FRMPD4: variants seen among roughly 807,000 people sequenced by gnomAD.
FRMPD4 encodes FERM and PDZ domain containing 4.
Under a neutral mutation model 94.1 loss-of-function variants are expected in FRMPD4, and 22 were observed. That is an observed-to-expected ratio of 0.23 (90% CI 0.17 to 0.33). The LOEUF (loss-of-function observed/expected upper bound fraction) is 0.33. Among genes scored for constraint, FRMPD4 ranks in the 10% least tolerant of loss-of-function variants. The pLI, the probability that FRMPD4 is intolerant of heterozygous loss-of-function variation, is 1.00. For synonymous variants in FRMPD4, 631 were observed against 548.6 expected, an observed-to-expected ratio of 1.15 and a Z score of -2.10; for missense variants, 1,111 against 1,339.9, an observed-to-expected ratio of 0.83 and a Z score of 2.67.
chrX:12,691,274 T>C (rs2060077878), intron 8 of FRMPD4, among the ~76,000 whole-genome samples: 1 of 108,875 alleles, frequency 9.2e-6, no homozygotes, highest in Non-Finnish European at 1.9e-5. Context: ...GTTGTTGTTG[T>C]TTTGTTTTGT....
chrX:12,615,128 TTTTTA>T (rs1470075799), intron 4 of FRMPD4, among the ~76,000 whole-genome samples: 1 of 112,559 alleles, frequency 8.9e-6, no homozygotes, highest in African/African-American at 3.2e-5. Flanking sequence ...CAGTTTAAAA[TTTTTA>T]TGACTCCTAT....
At chrX:12,706,563 C>G (rs2041877956) in intron 11 of FRMPD4, among the ~76,000 whole-genome samples, 1 of 111,433 alleles carries the variant, frequency 9.0e-6, no homozygotes, top group Admixed American at 9.5e-5. Context: ...GCTGAGTGCC[C>G]TGGCCCAGCA....
At chrX:12,052,489 T>A (rs1319051947) in intron 3 of FRMPD4, among the ~76,000 whole-genome samples, 1 of 112,021 alleles carries the variant, frequency 8.9e-6, no homozygotes, top group Non-Finnish European at 1.9e-5. Flanking sequence ...ATGCTTGGTG[T>A]TTGTATGAGT....
chrX:11,955,505 T>C (rs186614891), intron 3 of FRMPD4, among the ~76,000 whole-genome samples: 365 of 110,122 alleles, frequency 3.3e-3, no homozygotes, highest in Middle Eastern at 9.3e-3. Flanking sequence ...TATGTATGTA[T>C]GTTTGGGAGG....
chrX:12,219,568 T>C (rs1184967508), intron 1 of FRMPD4, among the ~76,000 whole-genome samples: 2 of 112,036 alleles, frequency 1.8e-5, no homozygotes, highest in African/African-American at 6.5e-5. Context: ...TGGGAAACTA[T>C]TAATAATGTT....
At chrX:12,332,060 A>T (rs1336150920) in intron 1 of FRMPD4, among the ~76,000 whole-genome samples, 1 of 73,881 alleles carries the variant, frequency 1.4e-5, no homozygotes, top group Non-Finnish European at 2.3e-5. Context: ...AATTATATGT[A>T]ATATATAATT....
upstream of FRMPD4, among the ~76,000 whole-genome samples, chrX:12,136,051 G>A (rs956053866): frequency 2.1e-4 from 23 of 111,472 alleles, no homozygotes; most frequent in Non-Finnish European, 4.1e-4. Context: ...CAGTCCAAAG[G>A]AGGTTGAAGG....
intron 1 of FRMPD4, among the ~76,000 whole-genome samples, chrX:12,218,656 T>G: frequency 8.9e-6 from 1 of 112,040 alleles, no homozygotes; most frequent in Non-Finnish European, 1.9e-5. Context: ...TGACTTTAAT[T>G]AAAGCCTTTC....
intron 1 of FRMPD4, among the ~76,000 whole-genome samples, chrX:12,261,224 C>T (rs2054184112): frequency 9.0e-6 from 1 of 111,357 alleles, no homozygotes; most frequent in Admixed American, 9.5e-5. Context: ...CCTTTAAATC[C>T]CAAAAGGAAA....
intron 2 of FRMPD4, among the ~76,000 whole-genome samples, chrX:12,538,981 A>G (rs1033490532): frequency 2.7e-5 from 3 of 112,256 alleles, no homozygotes; most frequent in African/African-American, 9.7e-5. Flanking sequence ...AGATGATCAA[A>G]CTTCTGCGAG....
intron 1 of FRMPD4, among the ~76,000 whole-genome samples, chrX:12,487,354 AAAAT>A (rs1270071553): frequency 8.9e-6 from 1 of 112,556 alleles, no homozygotes; most frequent in African/African-American, 3.2e-5. Flanking sequence ...GAACAAAACA[AAAAT>A]AAATAAGTGC....
At chrX:12,281,947 T>C (rs1369800389) in intron 1 of FRMPD4, among the ~76,000 whole-genome samples, 2 of 111,668 alleles carry the variant, frequency 1.8e-5, no homozygotes, top group East Asian at 5.6e-4. Context: ...AAGCCCATGA[T>C]CTCTATAACC....
chrX:11,971,348 A>G (rs2054339234), intron 3 of FRMPD4, among the ~76,000 whole-genome samples: 1 of 112,857 alleles, frequency 8.9e-6, no homozygotes, highest in Non-Finnish European at 1.9e-5. Flanking sequence ...TTCATAGAAC[A>G]TTACCCAGAA....
At chrX:11,834,709 A>T (rs1344288061) in intron 1 of FRMPD4, among the ~76,000 whole-genome samples, 2 of 111,756 alleles carry the variant, frequency 1.8e-5, no homozygotes, top group African/African-American at 6.5e-5. Context: ...AACCTTCTTA[A>T]TAATAAGAAA....
At chrX:12,461,009 CTT>C (rs1387941178) in intron 1 of FRMPD4, among the ~76,000 whole-genome samples, 3 of 111,879 alleles carry the variant, frequency 2.7e-5, no homozygotes, top group Non-Finnish European at 5.6e-5. Context: ...AATACTCTCT[CTT>C]ATACAAAATA....
chrX:12,027,962 T>G (rs2054669822), intron 3 of FRMPD4, among the ~76,000 whole-genome samples: 1 of 112,401 alleles, frequency 8.9e-6, no homozygotes, highest in Non-Finnish European at 1.9e-5. Context: ...AACCATTGAA[T>G]TTTATAACCC....
At chrX:12,637,648 C>G (rs1280169836) in intron 4 of FRMPD4, among the ~76,000 whole-genome samples, 1 of 110,970 alleles carries the variant, frequency 9.0e-6, no homozygotes, top group African/African-American at 3.3e-5. Flanking sequence ...CCACTGCACT[C>G]CAGCCTGGGT....
chrX:12,592,399 A>G (rs1371804018), intron 2 of FRMPD4, among the ~76,000 whole-genome samples: 1 of 112,024 alleles, frequency 8.9e-6, no homozygotes, highest in Non-Finnish European at 1.9e-5. Flanking sequence ...AATGTCAGCC[A>G]TGACCCTTAT....
intron 1 of FRMPD4, among the ~76,000 whole-genome samples, chrX:12,312,299 C>T (rs1364321848): frequency 1.2e-5 from 1 of 85,551 alleles, no homozygotes; most frequent in Non-Finnish European, 2.1e-5. Flanking sequence ...GTTGCCCAGG[C>T]TGGAGTGCAG....
Sources: allele counts gnomAD v4.1 joint callset (sites outside exome capture counted in the v4.1 genomes callset), GRCh38; gene constraint gnomAD v4.1.1; transcripts MANE v1.5; gene names NCBI Gene and HGNC (gene_info 2026-07-23, HGNC 2026-07-21).